Variants in CTSE observed in about 807,000 individuals in gnomAD.
CTSE encodes the protein cathepsin E, also known as erythrocyte membrane aspartic proteinase.
In CTSE, 43 loss-of-function variants were observed where a neutral mutation model predicts 42.8. That is an observed-to-expected ratio of 1.01 (90% confidence interval 0.79 to 1.30). The LOEUF is 1.30. Ranked by LOEUF, CTSE falls within the 50% of genes most tolerant of loss-of-function variation. The pLI is 0.00. For synonymous variants in CTSE, 205 were observed against 191.5 expected, an observed-to-expected ratio of 1.07 and a Z score of -0.58; for missense variants, 532 against 493.5, an observed-to-expected ratio of 1.08 and a Z score of -0.74.
chr1:206,021,048 C>T lies in CTSE; in HGVS notation c.462+1G>A, dbSNP rs370052159. 8.1e-6 allele frequency: 13 copies of T among 1,599,450 alleles called. No homozygotes were observed. In the African/African-American group the frequency reaches 1.6e-4, roughly 20 times the overall value. On this transcript the variant is annotated splice_donor_variant, in intron 4 of 8. Coordinates refer to ENST00000358184, the MANE Select transcript of CTSE (RefSeq NM_001910.4). LOFTEE classifies it high-confidence loss of function. ...AGAAAAAATGAAGGACTTGCACTCA[C>T]AGAGACTTGGTCGGCTCCAATGATC...
At position 206,011,982 on chromosome 1, in the gene CTSE, T is replaced by C. The variant is rs782350147; in HGVS notation, c.1026+326A>G. 9.5e-4 allele frequency among the ~76,000 whole-genome samples: 145 copies of C among 152,144 alleles called. 1 individual carries two copies. The highest frequency in any genetic ancestry group is 1.8e-3 in the Non-Finnish European group (120 of 68,028). On this transcript the variant is annotated intron_variant, in intron 8 of 8. Coordinates refer to ENST00000358184, the MANE Select transcript of CTSE (RefSeq NM_001910.4). The stretch of plus-strand genomic sequence containing the variant: ...TGATATTCTCACCTATAAAATGAGA[T>C]AGTAATAGCTCCAGTCTGACCTGGT...
At chr1:206,023,588 T>G in intron 1 of CTSE, 136 bp downstream of exon 1, 1 of 750,094 alleles carries the variant, frequency 1.3e-6, no homozygotes, top group Non-Finnish European at 2.3e-6. Context: ...ACTGGATGAG[T>G]CTCTTCCATG....
chr1:206,016,049 C>A lies in CTSE; in HGVS notation c.544G>T (p.Asp182Tyr). 1 of 1,613,956 alleles carries A rather than the reference C, an allele frequency of 6.2e-7. No individual in the cohort carries two copies. ...PGQTFVDAEF[D>Y]GILGLGYPSL... is the part of the protein sequence containing the mutation. Reference sequence around the variant, plus strand: ...GGGTATCCCAGGCCCAGAATTCCATCAAACTCTGCATCCACAAAGGTCTGG... The same window carrying A: ...GGGTATCCCAGGCCCAGAATTCCATAAAACTCTGCATCCACAAAGGTCTGG... Residue 182 changes from aspartate (D) to tyrosine (Y), a missense_variant, in exon 5 of 9, where the codon GAT becomes TAT. By Grantham distance (160) the Asp-to-Tyr change is radical. Transcript: ENST00000358184.
chr1:206,023,053 G>A lies in CTSE; in HGVS notation c.73C>T (p.Pro25Ser). 2 of 1,592,908 alleles carry A rather than the reference G, an allele frequency of 1.3e-6. No individual in the cohort carries two copies. The highest frequency in any genetic ancestry group is 4.6e-5 in the East Asian group (2 of 43,118). The change falls in exon 2 of 9, where the codon CCC becomes TCC. Residue 25 changes from proline to serine, a missense_variant. Coordinates refer to ENST00000358184, the MANE Select transcript of CTSE (RefSeq NM_001910.4). ...GEAQGSLHRV[P>S]LRRHPSLKKK... is the part of the protein sequence containing the mutation. Reference sequence around the variant, plus strand: ...TTGAGGGACGGATGCCTCCTGAGGGGCACCCTGGAGACAAACCCCCATGTA... The same window carrying A: ...TTGAGGGACGGATGCCTCCTGAGGGACACCCTGGAGACAAACCCCCATGTA...
chr1:206,020,757 C>A (rs1396034228), intron 4 of CTSE, among the ~76,000 whole-genome samples: 1 of 152,012 alleles, frequency 6.6e-6, no homozygotes, highest in Non-Finnish European at 1.5e-5. Context: ...TTTATCTCCT[C>A]AATGCCCTAG....
rs1661184466 is a variant in CTSE at position 206,013,773 on chromosome 1, T to TA, written c.783dup (p.Asn262Ter). The TA allele has an allele frequency of 6.2e-7, 1 of 1,613,538 alleles. No homozygotes were observed. Among genetic ancestry groups the TA allele is most frequent in the Non-Finnish European group, 8.5e-7 (1 of 1,179,772 alleles). ...CACTACTTCATGGGGAATACTCACT[T>TA]ATCCAGTGCAATCTGCCAGTAAGCT... is the stretch of plus-strand genomic sequence containing the variant. On this transcript the variant is annotated frameshift_variant and splice_region_variant, in exon 6 of 9. Transcript: ENST00000358184. LOFTEE classifies it high-confidence loss of function.
chr1:206,013,946 G>A (rs1558151215), intron 5 of CTSE, 52 bp from the exon 6 acceptor site: 16 of 1,600,908 alleles, frequency 1.0e-5, no homozygotes, highest in Non-Finnish European at 1.3e-5. Flanking sequence ...CAAAACTCTA[G>A]GGGTGAGCCT....
chr1:206,011,069 C>G (rs1661082035), intron 8 of CTSE, among the ~76,000 whole-genome samples: 1 of 151,948 alleles, frequency 6.6e-6, no homozygotes, highest in African/African-American at 2.4e-5. Flanking sequence ...TTTGATGGAT[C>G]AAGGTGGCTC....
chr1:206,017,027 T>C (rs1553277805), intron 4 of CTSE, among the ~76,000 whole-genome samples: 1 of 152,136 alleles, frequency 6.6e-6, no homozygotes. Flanking sequence ...ATTCAATCTA[T>C]GAGCATGGTT....
At position 206,012,662 on chromosome 1, in the gene CTSE, G is replaced by T. The variant is rs540021441; in HGVS notation, c.786-13C>A. 1.7e-5 allele frequency: 27 copies of T among 1,609,080 alleles called. No individual in the cohort carries two copies. Among genetic ancestry groups the T allele is most frequent in the Non-Finnish European group, 2.0e-5 (23 of 1,176,336 alleles). On this transcript the variant is annotated splice_polypyrimidine_tract_variant and intron_variant, in intron 6 of 8. Coordinates refer to ENST00000358184, the MANE Select transcript of CTSE (RefSeq NM_001910.4). ...TCCCACCTGGATGCTGAGGGGACAG[G>T]GTTGTGGTCGGCCCACCTTCCCTCC...
chr1:206,023,199 G>T (rs1003398918), intron 1 of CTSE, 142 bp from the exon 2 acceptor site: 1 of 858,128 alleles, frequency 1.2e-6, no homozygotes, highest in African/African-American at 1.7e-5. Flanking sequence ...GATACAGGTG[G>T]GATCAGCGTC....
rs372719258 is a variant in CTSE, at chr1:206,010,264, C to T, written c.1110G>A (p.Leu370=). 1.2e-6 allele frequency: 2 copies of T among 1,613,808 alleles called. No individual in the cohort carries two copies. Among genetic ancestry groups the T allele is most frequent in the Admixed American group, 1.7e-5 (1 of 60,000 alleles). Residue 370 remains leucine (L), a synonymous_variant, in exon 9 of 9, where the codon CTG becomes CTA. Transcript: ENST00000358184. ...IHPPAGPLWI[L]GDVFIRQFYS... ...AAAACTGTCGAATGAAGACATCCCC[C>T]AGGATCCAGAGGGGCCCAGCTGGAG...
In CTSE at chr1:206,011,615, G is replaced by A. The variant is rs1385282615; in HGVS notation, c.1026+693C>T. Among the ~76,000 whole-genome samples, 5 of 152,132 alleles carry A rather than the reference G, an allele frequency of 3.3e-5. No homozygotes were observed. In the East Asian group the frequency reaches 9.7e-4, roughly 29 times the overall value. ...AGGAGTTAATAGAGGCTTAGGGGTAGGGCTGAAGCCCTCAGTCTATACCTT... is the reference window on the plus strand; with the variant it reads ...AGGAGTTAATAGAGGCTTAGGGGTAAGGCTGAAGCCCTCAGTCTATACCTT... On this transcript the variant is annotated intron_variant, in intron 8 of 8. Coordinates refer to ENST00000358184, the MANE Select transcript of CTSE (RefSeq NM_001910.4).
intron 5 of CTSE, among the ~76,000 whole-genome samples, chr1:206,014,776 C>T (rs994568803): frequency 2.0e-5 from 3 of 152,054 alleles, no homozygotes; most frequent in Non-Finnish European, 2.9e-5. Context: ...TTTTCCCAGG[C>T]GACGGGAGAA....
chr1:206,011,924 T>A (rs1462924258), intron 8 of CTSE, among the ~76,000 whole-genome samples: 1 of 152,160 alleles, frequency 6.6e-6, no homozygotes, highest in Non-Finnish European at 1.5e-5. Flanking sequence ...AAACAGCTCA[T>A]ATCTTGAACC....
chr1:206,022,307 G>T (rs782052226), intron 2 of CTSE, 40 bp from the exon 3 acceptor site: 2 of 1,464,622 alleles, frequency 1.4e-6, no homozygotes, highest in South Asian at 2.5e-5. Flanking sequence ...TGTGGGTGGT[G>T]GGGAGGGACA....
chr1:206,010,382 G>A (rs537167820), intron 8 of CTSE, 35 bp from the exon 9 acceptor site: 22 of 1,578,468 alleles, frequency 1.4e-5, no homozygotes, highest in East Asian at 8.9e-5. Context: ...AATGACAAAC[G>A]GGGGAAGAAG....
At chr1:206,023,180 A>G in intron 1 of CTSE, 123 bp from the exon 2 acceptor site, 1 of 964,264 alleles carries the variant, frequency 1.0e-6, no homozygotes, top group Non-Finnish European at 1.6e-6. Flanking sequence ...TCTGCAAGAC[A>G]GCACGCAGGA....
chr1:206,022,122 C>A (rs1553278490), intron 3 of CTSE, 28 bp downstream of exon 3: 1 of 1,488,184 alleles, frequency 6.7e-7, no homozygotes, highest in African/African-American at 1.4e-5. Flanking sequence ...CCCAGACATT[C>A]TCTGCTGGTG....
Sources: allele counts gnomAD v4.1 joint callset (sites outside exome capture counted in the v4.1 genomes callset), GRCh38; gene constraint gnomAD v4.1.1; transcripts MANE v1.5; gene names NCBI Gene and HGNC (gene_info 2026-07-23, HGNC 2026-07-21).